Variants in CYYR1 observed in about 807,000 individuals in gnomAD.
CYYR1 encodes cysteine and tyrosine-rich protein 1.
In CYYR1, 14 loss-of-function variants were observed where a neutral mutation model predicts 15.2. The observed-to-expected ratio is 0.92, with a 90% CI of 0.61 to 1.44. The LOEUF (loss-of-function observed/expected upper bound fraction) is 1.44, where lower values mean the gene tolerates loss of function less well. CYYR1 is among the 40% of genes most tolerant of loss of function. The pLI is 0.00. For missense variants in CYYR1, 228 were observed against 209.5 expected (o/e 1.09, Z -0.54); for synonymous variants, 80 against 77.4 (o/e 1.03, Z -0.18).
intron 2 of CYYR1, among the ~76,000 whole-genome samples, chr21:26,563,179 CAGA>C (rs1325712232): frequency 2.0e-5 from 3 of 151,744 alleles, no homozygotes; most frequent in African/African-American, 7.3e-5. Flanking sequence ...TTTCATAAGA[CAGA>C]AGTAAATCTT....
chr21:26,477,241 A>G (rs1433363813), intron 3 of CYYR1, among the ~76,000 whole-genome samples: 1 of 152,160 alleles, frequency 6.6e-6, no homozygotes, highest in Non-Finnish European at 1.5e-5. Context: ...GTTTCCATAG[A>G]TGAAAGATTT....
intron 2 of CYYR1, among the ~76,000 whole-genome samples, chr21:26,500,714 C>A (rs2065470153): frequency 6.6e-6 from 1 of 152,118 alleles, no homozygotes; most frequent in Admixed American, 6.5e-5. Flanking sequence ...GAAGACAGAG[C>A]AATTGGCCAC....
chr21:26,562,857 A>G (rs1042466589), intron 2 of CYYR1, among the ~76,000 whole-genome samples: 3 of 146,096 alleles, frequency 2.1e-5, no homozygotes, highest in Non-Finnish European at 4.5e-5. Context: ...CAGTCCTCCA[A>G]TAATACTTCA....
chr21:26,505,800 AT>A (rs774300232), intron 2 of CYYR1, among the ~76,000 whole-genome samples: 18 of 135,980 alleles, frequency 1.3e-4, no homozygotes, highest in Non-Finnish European at 2.0e-4. Context: ...GTTAATACAT[AT>A]TTTAAAAAAA....
At chr21:26,545,301 G>A (rs1167330486) in intron 2 of CYYR1, among the ~76,000 whole-genome samples, 1 of 55,360 alleles carries the variant, frequency 1.8e-5, no homozygotes, top group Non-Finnish European at 3.5e-5. Context: ...AAATATTCAC[G>A]TGGCTGACTT....
intron 2 of CYYR1, among the ~76,000 whole-genome samples, chr21:26,527,453 A>G (rs1390196918): frequency 6.6e-6 from 1 of 152,190 alleles, no homozygotes; most frequent in Non-Finnish European, 1.5e-5. Context: ...TACAAACCTC[A>G]AAGGTTAGAA....
chr21:26,524,107 TTA>T (rs1412424174), intron 2 of CYYR1, among the ~76,000 whole-genome samples: 10 of 152,166 alleles, frequency 6.6e-5, no homozygotes, highest in Non-Finnish European at 1.3e-4. Context: ...CATTTGTAGG[TTA>T]AGGGTGGCCT....
At position 26,573,107 on chromosome 21, in the gene CYYR1, T is replaced by G; in HGVS notation, c.-167A>C. The G allele has an allele frequency of 6.6e-6, 10 of 1,506,374 alleles. No homozygotes were observed. Among genetic ancestry groups the G allele is most frequent in the Non-Finnish European group, 6.2e-6 (7 of 1,131,436 alleles). The allele number at this position is 1,506,374 out of a possible 1,614,324, so 93.3% of individuals were successfully genotyped here. On this transcript the variant is annotated 5_prime_UTR_variant, in exon 1 of 4. Transcript: ENST00000652641. ...TCCAAGGGAGCCCGGGCCGGGCGCG[T>G]CCCGGGCCAGCGACTGCGGGACTCC...
chr21:26,473,735 G>A (rs1418203377), intron 3 of CYYR1, among the ~76,000 whole-genome samples: 1 of 152,140 alleles, frequency 6.6e-6, no homozygotes, highest in Non-Finnish European at 1.5e-5. Context: ...AGGCTGAGGG[G>A]ATTTTTGAGT....
intron 2 of CYYR1, among the ~76,000 whole-genome samples, chr21:26,483,586 CA>C (rs2065212619): frequency 6.6e-6 from 1 of 152,064 alleles, no homozygotes. Flanking sequence ...TGGGGAGCAT[CA>C]GCCTCACTGC....
chr21:26,483,482 A>T, intron 2 of CYYR1: 12 of 955,616 alleles, frequency 1.3e-5, no homozygotes, highest in Non-Finnish European at 1.5e-5. Context: ...TGACAGGTGA[A>T]CTCCAAAGAA....
At chr21:26,488,530 G>A (rs2065283812) in intron 2 of CYYR1, among the ~76,000 whole-genome samples, 1 of 152,158 alleles carries the variant, frequency 6.6e-6, no homozygotes, top group South Asian at 2.1e-4. Flanking sequence ...TGGGATTACA[G>A]GCATGAGCCA....
At chr21:26,513,740 G>C (rs983182285) in intron 2 of CYYR1, among the ~76,000 whole-genome samples, 9 of 152,056 alleles carry the variant, frequency 5.9e-5, no homozygotes, top group African/African-American at 2.2e-4. Flanking sequence ...AGAAAGATCA[G>C]GGCTCTAAAA....
At chr21:26,519,593 A>G (rs1178601077) in intron 2 of CYYR1, among the ~76,000 whole-genome samples, 3 of 152,230 alleles carry the variant, frequency 2.0e-5, no homozygotes, top group African/African-American at 7.2e-5. Flanking sequence ...CTCTGTGTGA[A>G]AAAGGGAAAG....
chr21:26,514,067 A>G (rs1047281737), intron 2 of CYYR1, among the ~76,000 whole-genome samples: 1 of 17,314 alleles, frequency 5.8e-5, no homozygotes, highest in Non-Finnish European at 1.1e-4. Context: ...GTATAATAAT[A>G]AAAAAAAAAA....
At chr21:26,573,284 TGCGGGCAGGGG>T (rs1981143533) in exon 1 of CYYR1, 1 of 1,290,920 alleles carries the variant, frequency 7.7e-7, no homozygotes, top group Non-Finnish European at 1.0e-6. Flanking sequence ...TGGCAACGAC[TGCGGGCAGGGG>T]GCGGGGGTGG....
chr21:26,482,509 A>G (rs945900217), intron 2 of CYYR1: 1 of 985,212 alleles, frequency 1.0e-6, no homozygotes, highest in Non-Finnish European at 1.2e-6. Flanking sequence ...TGGTCCTCAC[A>G]TTTAGTTTCT....
chr21:26,572,584 A>G (rs1298736522), intron 1 of CYYR1, among the ~76,000 whole-genome samples: 1 of 152,212 alleles, frequency 6.6e-6, no homozygotes, highest in African/African-American at 2.4e-5. Context: ...AGTTTACTCT[A>G]TCCAGAGAGT....
At chr21:26,490,009 G>A (rs1001096398) in intron 2 of CYYR1, among the ~76,000 whole-genome samples, 1 of 152,006 alleles carries the variant, frequency 6.6e-6, no homozygotes, top group African/African-American at 2.4e-5. Flanking sequence ...CACTCATTAA[G>A]TATATATTGA....
Sources: gnomAD v4.1 joint callset for allele counts (sites outside exome capture counted in the v4.1 genomes callset) on GRCh38, gnomAD v4.1.1 for gene constraint, MANE v1.5 for transcripts, NCBI Gene and HGNC (gene_info 2026-07-23, HGNC 2026-07-21) for gene names.